Variants in CCDC141 observed in about 807,000 individuals in gnomAD.
CCDC141 encodes the protein coiled-coil domain-containing protein 141.
A neutral mutation model predicts 181.0 loss-of-function variants in CCDC141; 168 were observed. That is an observed-to-expected ratio of 0.93 (90% confidence interval 0.82 to 1.05). CCDC141 has a LOEUF of 1.05. CCDC141 is among the 50% of genes least tolerant of loss of function. CCDC141 has a pLI of 0.00. For synonymous variants in CCDC141, 666 were observed against 642.3 expected (o/e 1.04, Z -0.56); for missense variants, 1,902 against 1,788.5 (o/e 1.06, Z -1.14).
intron 4 of CCDC141, among the ~76,000 whole-genome samples, chr2:178,965,537 C>T (rs1313734807): frequency 6.6e-6 from 1 of 152,158 alleles, no homozygotes; most frequent in Admixed American, 6.5e-5. Context: ...GGAATTTTCT[C>T]CCCTACCCAA....
intron 11 of CCDC141, 107 bp from the exon 12 acceptor site, chr2:178,878,250 G>A: frequency 8.7e-6 from 4 of 460,850 alleles, no homozygotes; most frequent in Non-Finnish European, 1.1e-5. Context: ...TACATTTTCT[G>A]AATTTTTAAT....
chr2:178,848,327 C>G (rs1685025145), intron 21 of CCDC141, among the ~76,000 whole-genome samples: 1 of 152,160 alleles, frequency 6.6e-6, no homozygotes, highest in Non-Finnish European at 1.5e-5. Flanking sequence ...ATTGAAAGGC[C>G]TTGAATTGGA....
At chr2:179,025,503 C>T (rs1434057884) in intron 2 of CCDC141, among the ~76,000 whole-genome samples, 1 of 152,192 alleles carries the variant, frequency 6.6e-6, no homozygotes, top group Non-Finnish European at 1.5e-5. Context: ...CTTGCACCTC[C>T]TTGCCTTCTG....
At chr2:178,897,009 C>G (rs1416957398) in intron 8 of CCDC141, among the ~76,000 whole-genome samples, 1 of 151,910 alleles carries the variant, frequency 6.6e-6, no homozygotes, top group African/African-American at 2.4e-5. Flanking sequence ...TCTGTGGCAC[C>G]CTTACTATTA....
chr2:179,033,641 AG>A (rs2043059363), intron 2 of CCDC141, among the ~76,000 whole-genome samples: 1 of 152,146 alleles, frequency 6.6e-6, no homozygotes, highest in African/African-American at 2.4e-5. Context: ...GAACTGTCAG[AG>A]TTTTGTCCTG....
chr2:178,880,575 T>A (rs1008782957), intron 11 of CCDC141, among the ~76,000 whole-genome samples: 3 of 152,108 alleles, frequency 2.0e-5, no homozygotes, highest in Admixed American at 2.0e-4. Flanking sequence ...TGGGAGAGCA[T>A]GGCCTTTGAA....
At chr2:178,940,531 G>A (rs1234459138) in intron 6 of CCDC141, among the ~76,000 whole-genome samples, 3 of 152,104 alleles carry the variant, frequency 2.0e-5, no homozygotes, top group Non-Finnish European at 4.4e-5. Flanking sequence ...AGAGAATAAA[G>A]GGGAAGACAA....
chr2:179,047,508 T>C (rs1450517581), intron 1 of CCDC141, 102 bp from the exon 2 acceptor site: 1 of 1,031,004 alleles, frequency 9.7e-7, no homozygotes, highest in Non-Finnish European at 1.3e-6. Context: ...AGTTATACTG[T>C]AAACACTTTT....
intron 1 of CCDC141, 127 bp downstream of exon 1, chr2:179,049,713 G>C: frequency 3.1e-6 from 3 of 960,190 alleles, no homozygotes; most frequent in Non-Finnish European, 4.6e-6. Flanking sequence ...TTAGAAAGCA[G>C]TAAGAGTGCT....
At chr2:178,855,798 A>G (rs1416239962) in intron 18 of CCDC141, among the ~76,000 whole-genome samples, 1 of 152,262 alleles carries the variant, frequency 6.6e-6, no homozygotes, top group African/African-American at 2.4e-5. Flanking sequence ...TTTTAAAGAC[A>G]TTGATGATTA....
intron 12 of CCDC141, chr2:178,876,097 T>A (rs2154369631): frequency 6.6e-6 from 1 of 152,200 alleles, no homozygotes; most frequent in South Asian, 2.1e-4. Flanking sequence ...TCCAAGTAGG[T>A]TTATCAAGAA....
chr2:178,851,794 G>A (rs189725403), intron 20 of CCDC141, among the ~76,000 whole-genome samples: 3 of 152,274 alleles, frequency 2.0e-5, no homozygotes, highest in Admixed American at 1.3e-4. Flanking sequence ...CTTGAATGGA[G>A]GAACTAGGTC....
intron 11 of CCDC141, among the ~76,000 whole-genome samples, chr2:178,880,152 T>A (rs893608384): frequency 1.3e-5 from 2 of 152,232 alleles, no homozygotes; most frequent in African/African-American, 4.8e-5. Context: ...ACATAAACTT[T>A]AATTCATCCT....
chr2:178,817,443 T>C, the CCDC141 span: 2 of 466,640 alleles, frequency 4.3e-6, no homozygotes, highest in East Asian at 6.9e-5. Flanking sequence ...TCATGCTCTT[T>C]TTCTGTGGAT....
chr2:178,851,935 T>C (rs1022842797), intron 20 of CCDC141, among the ~76,000 whole-genome samples: 2 of 152,230 alleles, frequency 1.3e-5, no homozygotes, highest in Non-Finnish European at 2.9e-5. Context: ...GATACAATCT[T>C]AAAGTGCCTC....
At chr2:179,017,666 T>TA (rs2042582208) in intron 2 of CCDC141, among the ~76,000 whole-genome samples, 1 of 152,152 alleles carries the variant, frequency 6.6e-6, no homozygotes, top group South Asian at 2.1e-4. Flanking sequence ...TTTTTGTCCT[T>TA]ACCTTGAAAA....
In CCDC141 at chr2:178,902,337, G is replaced by A. The variant is rs987687780; in HGVS notation, c.1265+2992C>T. 7.2e-5 allele frequency among the ~76,000 whole-genome samples: 11 copies of A among 152,194 alleles called. No individual in the cohort carries two copies. The East Asian group carries it at 1.4e-3, about 19-fold the overall frequency. On this transcript the variant is annotated intron_variant, in intron 8 of 23. Transcript: ENST00000443758. ...AAAAGAACAAAGCTGGAGGCATCAC[G>A]CTACCTAACTTCAAACTATACTACA... is the stretch of plus-strand genomic sequence containing the variant.
At chr2:178,914,988 G>A (rs2154374139) in intron 7 of CCDC141, among the ~76,000 whole-genome samples, 1 of 152,130 alleles carries the variant, frequency 6.6e-6, no homozygotes, top group South Asian at 2.1e-4. Flanking sequence ...CTCAAGACAA[G>A]CCTGAGCAAC....
chr2:179,027,883 T>C (rs2042897868), intron 2 of CCDC141, among the ~76,000 whole-genome samples: 1 of 152,106 alleles, frequency 6.6e-6, no homozygotes, highest in Admixed American at 6.5e-5. Flanking sequence ...CCTCATCCCA[T>C]TGTTCACCCA....
Sources: gnomAD v4.1 joint callset for allele counts (sites outside exome capture counted in the v4.1 genomes callset) on GRCh38, gnomAD v4.1.1 for gene constraint, MANE v1.5 for transcripts, NCBI Gene and HGNC (gene_info 2026-07-23, HGNC 2026-07-21) for gene names.